Variants in EMC3 observed in about 807,000 individuals in gnomAD.
The protein encoded by EMC3 is 30 kDa protein.
Under a neutral mutation model 36.6 loss-of-function variants are expected in EMC3, and 13 were observed. The observed-to-expected ratio is 0.35, with a 90% CI of 0.23 to 0.56. The LOEUF (loss-of-function observed/expected upper bound fraction) is 0.56. EMC3 is among the 20% of genes least tolerant of loss of function. The pLI is 0.84. For missense variants in EMC3, 220 were observed against 324.5 expected, an observed-to-expected ratio of 0.68 and a Z score of 2.47; for synonymous variants, 120 against 111.9, an observed-to-expected ratio of 1.07 and a Z score of -0.46.
Position 9,963,558 on chromosome 3 carries a change from T to C in EMC3, c.*511A>G, listed in dbSNP as rs994913870. 6.7e-6 allele frequency: 1 copy of C among 148,806 alleles called. No individual in the cohort carries two copies. Among genetic ancestry groups the C allele is most frequent in the African/African-American group, 2.5e-5 (1 of 40,306 alleles). The allele number at this position is 148,806 out of a possible 1,614,324, so 9.2% of individuals were successfully genotyped here. Reference sequence around the variant, plus strand: ...GGCACGATGTCAGCTCACTGCATCCTCCGCCTCCTAGGTTTAAGCAGTTCT... The same window carrying C: ...GGCACGATGTCAGCTCACTGCATCCCCCGCCTCCTAGGTTTAAGCAGTTCT... On this transcript the variant is annotated 3_prime_UTR_variant, in exon 8 of 8. Coordinates refer to ENST00000245046, the MANE Select transcript of EMC3 (RefSeq NM_001394674.1).
chr3:9,984,777 T>C (rs897002311), intron 1 of EMC3, among the ~76,000 whole-genome samples: 19 of 152,170 alleles, frequency 1.2e-4, no homozygotes, highest in Admixed American at 1.0e-3. Context: ...GATAAAGTGA[T>C]CGCTGTAGTA....
intron 3 of EMC3, among the ~76,000 whole-genome samples, chr3:9,976,626 G>C (rs2085853060): frequency 6.6e-6 from 1 of 152,194 alleles, no homozygotes; most frequent in South Asian, 2.1e-4. Flanking sequence ...AGCCAGGCTG[G>C]AATGCTTTAC....
intron 1 of EMC3, chr3:10,003,073 C>T (rs760940844): frequency 8.8e-6 from 4 of 456,404 alleles, no homozygotes; most frequent in African/African-American, 2.0e-5. Context: ...TGTGGCCTAC[C>T]CCTATACCCA....
At chr3:9,993,441 G>C in intron 1 of EMC3, among the ~76,000 whole-genome samples, 1 of 128,216 alleles carries the variant, frequency 7.8e-6, no homozygotes, top group South Asian at 2.4e-4. Context: ...TGGGCCAGTA[G>C]TTTGGGGTTT....
chr3:10,000,825 A>G (rs576729943), intron 1 of EMC3: 6 of 491,708 alleles, frequency 1.2e-5, no homozygotes, highest in South Asian at 8.8e-5. Flanking sequence ...CAACAGCCTG[A>G]CCTGTCTTCC....
At chr3:9,973,842 G>T in intron 4 of EMC3, 133 bp from the exon 5 acceptor site, 1 of 788,734 alleles carries the variant, frequency 1.3e-6, no homozygotes, top group Non-Finnish European at 2.2e-6. Context: ...GAAATCTGTG[G>T]CAATTTCTGA....
At chr3:9,970,171 T>C (rs2085770829) in intron 6 of EMC3, among the ~76,000 whole-genome samples, 1 of 152,194 alleles carries the variant, frequency 6.6e-6, no homozygotes, top group African/African-American at 2.4e-5. Context: ...GATAAGTAAA[T>C]AGAGAATTCG....
At chr3:9,987,859 C>G (rs1346084990), upstream of EMC3, 15 of 710,132 alleles carry the variant, frequency 2.1e-5, no homozygotes, top group African/African-American at 7.0e-5. Context: ...CTGTACCTAC[C>G]CACTATGAAT....
chr3:9,986,376 C>A (rs1299126843), intron 1 of EMC3, 131 bp downstream of exon 1: 2 of 1,014,394 alleles, frequency 2.0e-6, no homozygotes, highest in Non-Finnish European at 2.9e-6. Flanking sequence ...AAGTGAAACA[C>A]AGAGGTAACG....
At chr3:9,991,429 G>A (rs2086050926), upstream of EMC3, among the ~76,000 whole-genome samples, 1 of 152,128 alleles carries the variant, frequency 6.6e-6, no homozygotes, top group African/African-American at 2.4e-5. Flanking sequence ...GTAATTGTGT[G>A]CAAGTACAGG....
At chr3:9,985,457 C>T (rs1229851592) in intron 1 of EMC3, among the ~76,000 whole-genome samples, 2 of 152,162 alleles carry the variant, frequency 1.3e-5, no homozygotes, top group African/African-American at 4.8e-5. Context: ...GACAAGGTCT[C>T]GTTATGTTGC....
rs74279922 is a variant in EMC3, at chr3:9,979,393, A to C, written c.156-1947T>G. 9.6e-4 allele frequency among the ~76,000 whole-genome samples: 147 copies of C among 152,358 alleles called. 1 individual carries two copies. The East Asian group carries it at 0.026, about 27-fold the overall frequency. The stretch of plus-strand genomic sequence containing the variant: ...GGTCCTTCACCATTGACAGTATAAG[A>C]AGCACTGGGTCTAGAGTAATGGGTA... On this transcript the variant is annotated intron_variant, in intron 1 of 7. Coordinates refer to ENST00000245046, the MANE Select transcript of EMC3 (RefSeq NM_001394674.1).
At chr3:10,007,348 G>A in intron 1 of EMC3, 1 of 1,346,704 alleles carries the variant, frequency 7.4e-7, no homozygotes. Flanking sequence ...TGTCAATCAT[G>A]CTGAGAGGTC....
chr3:9,975,668 C>T (rs1477769593), intron 3 of EMC3, among the ~76,000 whole-genome samples: 2 of 151,866 alleles, frequency 1.3e-5, no homozygotes, highest in African/African-American at 2.4e-5. Context: ...AAAAATTAGC[C>T]GGGCATGGTG....
chr3:9,992,872 T>G (rs1037272572), intron 1 of EMC3: 15 of 1,464,598 alleles, frequency 1.0e-5, no homozygotes, highest in Non-Finnish European at 1.4e-5. Context: ...TGCATATTTA[T>G]TGACCTGGTG....
At chr3:9,982,323 C>T (rs768495732) in intron 1 of EMC3, among the ~76,000 whole-genome samples, 2 of 151,926 alleles carry the variant, frequency 1.3e-5, no homozygotes, top group Non-Finnish European at 2.9e-5. Flanking sequence ...GGCATGATCT[C>T]GGCTCACTGC....
At chr3:9,979,138 A>T (rs950575640) in intron 1 of EMC3, among the ~76,000 whole-genome samples, 2 of 152,136 alleles carry the variant, frequency 1.3e-5, no homozygotes, top group African/African-American at 4.8e-5. Flanking sequence ...TCTCTACTTT[A>T]TCTACAGGGC....
At chr3:9,981,654 C>G (rs755320574) in intron 1 of EMC3, 13 of 355,524 alleles carry the variant, frequency 3.7e-5, no homozygotes, top group South Asian at 2.2e-4. Context: ...AGGTTGGTCT[C>G]AAATTCCTGG....
At chr3:9,969,027 G>A (rs1407421137) in intron 7 of EMC3, 3 of 152,294 alleles carry the variant, frequency 2.0e-5, no homozygotes, top group African/African-American at 7.3e-5. Context: ...GTTTCACCAT[G>A]TTGGCCAGGC....
Sources: gnomAD v4.1 joint callset for allele counts (sites outside exome capture counted in the v4.1 genomes callset) on GRCh38, gnomAD v4.1.1 for gene constraint, MANE v1.5 for transcripts, NCBI Gene and HGNC (gene_info 2026-07-23, HGNC 2026-07-21) for gene names.